CLUAP1: variants seen among roughly 807,000 people sequenced by gnomAD.
CLUAP1 encodes intraflagellar transport 38, also known as clusterin-associated protein 1.
CLUAP1 carries 50 observed loss-of-function variants against 55.0 expected under a neutral mutation model. The ratio of observed to expected loss-of-function variants is 0.91; its 90% confidence interval spans 0.72 to 1.15. CLUAP1 has a LOEUF of 1.15. CLUAP1 is among the 50% of genes most tolerant of loss of function. CLUAP1 has a pLI of 0.00. For synonymous variants in CLUAP1, 195 were observed against 175.4 expected (o/e 1.11, Z -0.88); for missense variants, 530 against 507.6 (o/e 1.04, Z -0.42).
intron 2 of CLUAP1, among the ~76,000 whole-genome samples, chr16:3,505,366 T>G (rs1227182749): frequency 2.0e-5 from 3 of 151,112 alleles, no homozygotes; most frequent in Non-Finnish European, 4.4e-5. Context: ...CCATCTCTAT[T>G]AAAAACACAA....
chr16:3,506,329 A>G lies in CLUAP1; in HGVS notation c.135-2A>G. The G allele has an allele frequency of 6.2e-7, 1 of 1,613,042 alleles. No homozygotes were observed. Among genetic ancestry groups the G allele is most frequent in the Non-Finnish European group, 8.5e-7 (1 of 1,179,066 alleles). Reference sequence around the variant, plus strand: ...GCTCTCTCCTCTTACCTCTCTTGATAGATATGAGCCCCAGACTGACATCCC... The same window carrying G: ...GCTCTCTCCTCTTACCTCTCTTGATGGATATGAGCCCCAGACTGACATCCC... On this transcript the variant is annotated splice_acceptor_variant, in intron 2 of 11. Transcript: ENST00000576634. LOFTEE classifies it high-confidence loss of function.
intron 6 of CLUAP1, among the ~76,000 whole-genome samples, chr16:3,517,762 A>G (rs2037756280): frequency 6.6e-6 from 1 of 152,246 alleles, no homozygotes; most frequent in South Asian, 2.1e-4. Context: ...GTCACTTCTG[A>G]GTATTCCTGC....
At chr16:3,531,470 C>T (rs931753099) in intron 10 of CLUAP1, among the ~76,000 whole-genome samples, 2 of 151,526 alleles carry the variant, frequency 1.3e-5, no homozygotes, top group Non-Finnish European at 2.9e-5. Flanking sequence ...TGCAGTGAGC[C>T]GAGATCACGC....
intron 8 of CLUAP1, among the ~76,000 whole-genome samples, chr16:3,524,617 A>G (rs923551265): frequency 4.7e-4 from 72 of 151,610 alleles, no homozygotes; most frequent in African/African-American, 1.6e-3. Context: ...AAAAAAAAAA[A>G]AAAAGAAAGA....
At chr16:3,514,244 A>C (rs929608063) in intron 5 of CLUAP1, among the ~76,000 whole-genome samples, 1 of 152,132 alleles carries the variant, frequency 6.6e-6, no homozygotes, top group African/African-American at 2.4e-5. Flanking sequence ...CTCTTTCAAC[A>C]CCATCCTGTA....
chr16:3,533,426 TCAGGA>T, intron 11 of CLUAP1: 1 of 487,122 alleles, frequency 2.1e-6, no homozygotes, highest in Non-Finnish European at 3.8e-6. Context: ...AGGGCCGGGC[TCAGGA>T]CCAACCCCCC....
At chr16:3,522,945 G>A (rs2037869045) in intron 7 of CLUAP1, among the ~76,000 whole-genome samples, 1 of 152,066 alleles carries the variant, frequency 6.6e-6, no homozygotes, top group East Asian at 1.9e-4. Flanking sequence ...TTTTTACAAA[G>A]AGCACATCTT....
chr16:3,517,533 A>G (rs2037752260), intron 6 of CLUAP1, among the ~76,000 whole-genome samples: 1 of 151,964 alleles, frequency 6.6e-6, no homozygotes, highest in African/African-American at 2.4e-5. Flanking sequence ...GCTTGTCTCA[A>G]ACTCCTGACT....
At chr16:3,506,473 C>T (rs75575487) in intron 3 of CLUAP1, 58 bp downstream of exon 3, 30,569 of 1,313,302 alleles carry the variant, frequency 0.023, 716 homozygotes, top group African/African-American at 0.1. Flanking sequence ...AAGGATGACT[C>T]CTTGTTAGGG....
intron 11 of CLUAP1, 144 bp downstream of exon 11, chr16:3,532,985 T>C: frequency 7.5e-7 from 1 of 1,335,586 alleles, no homozygotes; most frequent in South Asian, 1.2e-5. Context: ...GGGTTTGGCC[T>C]CATGAGGCTC....
rs2037944018 is a variant in CLUAP1, at chr16:3,526,425, C to G, written c.869C>G (p.Thr290Ser). The change falls in exon 9 of 12, where the codon ACT (threonine) becomes AGT (serine). Residue 290 changes from threonine (T) to serine (S), a missense_variant. Transcript: ENST00000576634. ...EQERFEEAKN[T>S]LCLIQNKLKE... Reference sequence around the variant, plus strand: ...CCTCTTCCACAGGAAGCTAAAAACACTCTCTGCCTGATACAGAACAAGCTC... The same window carrying G: ...CCTCTTCCACAGGAAGCTAAAAACAGTCTCTGCCTGATACAGAACAAGCTC... 1.9e-6 allele frequency: 3 copies of G among 1,606,466 alleles called. No individual in the cohort carries two copies. The highest frequency in any genetic ancestry group is 1.7e-5 in the Admixed American group (1 of 57,850).
chr16:3,536,125 G>A lies in CLUAP1; in HGVS notation c.1096G>A (p.Asp366Asn). The change falls in exon 12 of 12, where the codon GAC becomes AAC. Residue 366 changes from aspartate (D) to asparagine (N), a missense_variant. Physicochemically the swap from Asp to Asn is conservative, Grantham distance 23 (BLOSUM62 1). Coordinates refer to ENST00000576634, the MANE Select transcript of CLUAP1 (RefSeq NM_015041.3). ...ATCTGCCATTTTTTTCCTATAGGAGGACTCGGAGGAGAGTGAAATTGACAT... is the reference window on the plus strand; with the variant it reads ...ATCTGCCATTTTTTTCCTATAGGAGAACTCGGAGGAGAGTGAAATTGACAT... ...MQGGDSDDNE[D>N]SEESEIDMED... 1 of 1,614,052 alleles carries A rather than the reference G, an allele frequency of 6.2e-7. No individual in the cohort carries two copies. Among genetic ancestry groups the A allele is most frequent in the East Asian group, 2.2e-5 (1 of 44,890 alleles).
At position 3,504,757 on chromosome 16, in the gene CLUAP1, A is replaced by G. The variant is rs1289663716; in HGVS notation, c.60A>G (p.Arg20=). ...TEMMRALGYP[R]HISMENFRTP... is the part of the protein sequence containing the mutation. ...TGATGAGAGCCCTGGGATACCCTCG[A>G]CATATTTCTATGGAAAATTTCCGTA... Residue 20 remains arginine (R), a synonymous_variant, in exon 2 of 12, where the codon CGA becomes CGG. Transcript: ENST00000576634. 2.5e-6 allele frequency: 4 copies of G among 1,612,836 alleles called. No individual in the cohort carries two copies. Among genetic ancestry groups the G allele is most frequent in the Non-Finnish European group, 3.4e-6 (4 of 1,178,892 alleles).
rs1235034545 is a variant in CLUAP1, at chr16:3,532,847, T to A, written c.1092+6T>A. ...GTGGAGACTCCGATGACAATGTAAGTCCCCCGCTCCCCTCAGTGGTTCTGT... is the reference window on the plus strand; with the variant it reads ...GTGGAGACTCCGATGACAATGTAAGACCCCCGCTCCCCTCAGTGGTTCTGT... On this transcript the variant is annotated splice_donor_region_variant and intron_variant, in intron 11 of 11. Coordinates refer to ENST00000576634, the MANE Select transcript of CLUAP1 (RefSeq NM_015041.3). The A allele has an allele frequency of 3.7e-6, 6 of 1,613,962 alleles. No homozygotes were observed. Among genetic ancestry groups the A allele is most frequent in the Non-Finnish European group, 5.1e-6 (6 of 1,179,906 alleles).
At chr16:3,498,400 T>C (rs1171522954), upstream of CLUAP1, among the ~76,000 whole-genome samples, 1 of 152,078 alleles carries the variant, frequency 6.6e-6, no homozygotes, top group African/African-American at 2.4e-5. Flanking sequence ...CCAGTCAAGT[T>C]GACACACAAA....
chr16:3,500,620 C>T (rs1402815239), upstream of CLUAP1, among the ~76,000 whole-genome samples: 1 of 152,206 alleles, frequency 6.6e-6, no homozygotes, highest in African/African-American at 2.4e-5. Context: ...ATCCGCCCGC[C>T]TCGGCATCCC....
chr16:3,500,830 C>A (rs2037378786), upstream of CLUAP1: 7 of 569,662 alleles, frequency 1.2e-5, no homozygotes, highest in South Asian at 1.3e-4. Context: ...AGCTTGCAGC[C>A]CTCATAGACG....
chr16:3,503,099 C>G (rs969829044), intron 1 of CLUAP1, among the ~76,000 whole-genome samples: 1 of 151,964 alleles, frequency 6.6e-6, no homozygotes, highest in African/African-American at 2.4e-5. Flanking sequence ...CCCAGCCTCC[C>G]CAGTAACTGG....
In CLUAP1 at chr16:3,506,284, T is replaced by A. The variant is rs771663489; in HGVS notation, c.135-47T>A. 12 of 1,484,740 alleles carry A rather than the reference T, an allele frequency of 8.1e-6. No individual in the cohort carries two copies. The South Asian group carries it at 1.4e-4, about 17-fold the overall frequency. The allele number at this position is 1,484,740 out of a possible 1,614,324, so 92.0% of individuals were successfully genotyped here. A position where few individuals can be genotyped will look rare whatever the true frequency, so the allele number is the denominator to read the frequency against. Reference sequence around the variant, plus strand: ...GTTGCCCACATTCTCTTTAGTAGACTTTCTCCTTGGTTAACCCGTGCTCTC... The same window carrying A: ...GTTGCCCACATTCTCTTTAGTAGACATTCTCCTTGGTTAACCCGTGCTCTC... On this transcript the variant is annotated intron_variant, in intron 2 of 11. Coordinates refer to ENST00000576634, the MANE Select transcript of CLUAP1 (RefSeq NM_015041.3).
Sources: gnomAD v4.1 joint callset for allele counts (sites outside exome capture counted in the v4.1 genomes callset) on GRCh38, gnomAD v4.1.1 for gene constraint, MANE v1.5 for transcripts, NCBI Gene and HGNC (gene_info 2026-07-23, HGNC 2026-07-21) for gene names.